TBC1D5: variants seen among roughly 807,000 people sequenced by gnomAD.
The protein encoded by TBC1D5 is TBC1 domain family member 5, also known as TBC1 domain family, member 5.
In TBC1D5, 75 loss-of-function variants were observed where a neutral mutation model predicts 100.3. The observed-to-expected ratio is 0.75, with a 90% CI of 0.62 to 0.91. The LOEUF is 0.91. Ranked by LOEUF, TBC1D5 falls within the 40% of genes least tolerant of loss-of-function variation. The pLI is 0.00. For synonymous variants in TBC1D5, 323 were observed against 325.6 expected (o/e 0.99, Z 0.09); for missense variants, 910 against 942.4 (o/e 0.97, Z 0.45).
chr3:17,439,934 CTAAT>C (rs1448578988), intron 3 of TBC1D5, among the ~76,000 whole-genome samples: 2 of 152,072 alleles, frequency 1.3e-5, no homozygotes, highest in African/African-American at 2.4e-5. Context: ...TAAATGGGCC[CTAAT>C]TAATAAATGC....
In TBC1D5 at chr3:17,202,203, G is replaced by A. The variant is rs557059382; in HGVS notation, c.1752+12004C>T. Among the ~76,000 whole-genome samples the A allele has an allele frequency of 9.2e-5, 14 of 152,330 alleles. No homozygotes were observed. The East Asian group carries it at 1.5e-3, about 17-fold the overall frequency. ...TTGTTATGCATTAGTAAAGAGACTG[G>A]TGGCATTGTGCCCCTGCTCTAGGGA... On this transcript the variant is annotated intron_variant, in intron 18 of 21. Coordinates refer to ENST00000253692, the Ensembl canonical transcript of TBC1D5.
intron 1 of TBC1D5, among the ~76,000 whole-genome samples, chr3:17,712,759 A>T (rs972168414): frequency 5.9e-5 from 9 of 152,158 alleles, no homozygotes; most frequent in African/African-American, 2.2e-4. Flanking sequence ...AAACAGTATA[A>T]AGCATAAAGG....
chr3:17,473,621 ATCT>A (rs1222031573), intron 3 of TBC1D5, among the ~76,000 whole-genome samples: 1 of 152,348 alleles, frequency 6.6e-6, no homozygotes, highest in Admixed American at 6.5e-5. Context: ...CTACTTAATA[ATCT>A]TCTCTCTTCC....
At chr3:17,594,551 G>A (rs544775356) in intron 2 of TBC1D5, among the ~76,000 whole-genome samples, 1 of 152,338 alleles carries the variant, frequency 6.6e-6, no homozygotes, top group African/African-American at 2.4e-5. Flanking sequence ...TAATTGTCAT[G>A]AATATTTCCT....
intron 2 of TBC1D5, among the ~76,000 whole-genome samples, chr3:17,563,328 GGGA>G (rs2096571768): frequency 6.6e-6 from 1 of 152,144 alleles, no homozygotes; most frequent in African/African-American, 2.4e-5. Flanking sequence ...CTGTTAACTT[GGGA>G]GTCTTGCATA....
intron 20 of TBC1D5, 76 bp downstream of exon 21, chr3:17,167,673 T>C (rs1368406125): frequency 6.0e-6 from 8 of 1,328,538 alleles, no homozygotes; most frequent in African/African-American, 2.9e-5. Context: ...TCTAACATCA[T>C]GGTGCTCCAT....
chr3:17,157,745 C>G (rs2065712095), exon 22 of TBC1D5: 3 of 152,280 alleles, frequency 2.0e-5, no homozygotes, highest in Non-Finnish European at 4.4e-5. Context: ...TGTGCATCAA[C>G]TCTGACTCAC....
chr3:17,287,017 A>G (rs283917), intron 15 of TBC1D5, among the ~76,000 whole-genome samples: 64,279 of 152,116 alleles, frequency 0.42, 14,307 homozygotes, highest in Middle Eastern at 0.51. Flanking sequence ...AATATATGAC[A>G]GTAGTAACAG....
At chr3:17,463,877 T>A (rs1042234268) in intron 3 of TBC1D5, among the ~76,000 whole-genome samples, 4 of 152,038 alleles carry the variant, frequency 2.6e-5, no homozygotes, top group Non-Finnish European at 1.5e-5. Flanking sequence ...CAGCTGTTGA[T>A]TTGAGTATTA....
chr3:17,386,054 GA>G (rs1324471397), intron 8 of TBC1D5, among the ~76,000 whole-genome samples: 2 of 152,092 alleles, frequency 1.3e-5, no homozygotes, highest in Non-Finnish European at 2.9e-5. Flanking sequence ...CAGGATAAAA[GA>G]TAGGTAAGTA....
intron 3 of TBC1D5, among the ~76,000 whole-genome samples, chr3:17,487,909 AAC>A (rs1411074490): frequency 1.3e-5 from 2 of 152,182 alleles, no homozygotes; most frequent in South Asian, 2.1e-4. Context: ...CTACCACACA[AAC>A]ACAGTTTCCA....
chr3:17,667,802 A>ACT (rs1413830807), intron 1 of TBC1D5, among the ~76,000 whole-genome samples: 1 of 152,108 alleles, frequency 6.6e-6, no homozygotes, highest in Non-Finnish European at 1.5e-5. Context: ...AACAAGTATT[A>ACT]AGTTTTTGTC....
At chr3:17,662,491 C>G (rs971904801) in intron 1 of TBC1D5, among the ~76,000 whole-genome samples, 7 of 152,190 alleles carry the variant, frequency 4.6e-5, no homozygotes, top group Non-Finnish European at 1.0e-4. Context: ...AGCAATTTGA[C>G]AGAGTAATGA....
chr3:17,366,974 G>C (rs1418744896), intron 13 of TBC1D5, among the ~76,000 whole-genome samples: 3 of 152,054 alleles, frequency 2.0e-5, no homozygotes, highest in Non-Finnish European at 4.4e-5. Context: ...TGGGGGATAT[G>C]GAATTTATCC....
intron 8 of TBC1D5, among the ~76,000 whole-genome samples, 199 bp from the exon 9 acceptor site, chr3:17,384,214 T>C (rs1049460113): frequency 1.3e-5 from 2 of 152,032 alleles, no homozygotes; most frequent in Non-Finnish European, 2.9e-5. Flanking sequence ...GTAAATTACA[T>C]CCTTCAACAT....
intron 8 of TBC1D5, among the ~76,000 whole-genome samples, chr3:17,392,428 A>G (rs1419103957): frequency 6.6e-6 from 1 of 151,850 alleles, no homozygotes; most frequent in Non-Finnish European, 1.5e-5. Flanking sequence ...GGTTTGTTAC[A>G]TTAGGTATAC....
At chr3:17,235,658 G>A (rs910294710) in intron 17 of TBC1D5, among the ~76,000 whole-genome samples, 10 of 152,184 alleles carry the variant, frequency 6.6e-5, no homozygotes, top group Non-Finnish European at 1.5e-4. Flanking sequence ...ATTTTTAGAG[G>A]TGGGAGACTC....
At chr3:17,445,571 C>A (rs1409052446) in intron 3 of TBC1D5, among the ~76,000 whole-genome samples, 1 of 152,046 alleles carries the variant, frequency 6.6e-6, no homozygotes, top group East Asian at 1.9e-4. Context: ...GTTTCAGTTA[C>A]CTGCAGTGAA....
intron 3 of TBC1D5, among the ~76,000 whole-genome samples, chr3:17,459,950 T>C (rs544438825): frequency 1.6e-4 from 24 of 152,340 alleles, no homozygotes; most frequent in African/African-American, 5.3e-4. Flanking sequence ...TTACATTTAA[T>C]GACAGGAGTA....
Sources: allele counts gnomAD v4.1 joint callset (sites outside exome capture counted in the v4.1 genomes callset), GRCh38; gene constraint gnomAD v4.1.1; transcripts MANE v1.5; gene names NCBI Gene and HGNC (gene_info 2026-07-23, HGNC 2026-07-21).